CSNK2A2IP: variants seen among roughly 807,000 people sequenced by gnomAD.
The protein encoded by CSNK2A2IP is casein kinase II subunit alpha'-interacting protein.
At chr3:88,426,491 G>A in the CSNK2A2IP span, among the ~76,000 whole-genome samples, 1 of 152,200 alleles carries the variant, frequency 6.6e-6, no homozygotes, top group Non-Finnish European at 1.5e-5. Context: ...CACTAGCCCT[G>A]TTATGGTTTG....
At chr3:88,344,332 G>GCAAGT in the CSNK2A2IP span, among the ~76,000 whole-genome samples, 1 of 151,882 alleles carries the variant, frequency 6.6e-6, no homozygotes, top group Non-Finnish European at 1.5e-5. Context: ...ATGAAGGCAT[G>GCAAGT]TGTCTTTTAT....
chr3:88,384,876 T>C, the CSNK2A2IP span, among the ~76,000 whole-genome samples: 1 of 151,670 alleles, frequency 6.6e-6, no homozygotes, highest in Non-Finnish European at 1.5e-5. Flanking sequence ...GTGAGGGAAA[T>C]GAAGGAAATG....
the CSNK2A2IP span, among the ~76,000 whole-genome samples, chr3:88,379,603 C>G: frequency 5.1e-4 from 78 of 152,126 alleles, no homozygotes; most frequent in Non-Finnish European, 4.4e-5. Flanking sequence ...GGTTTTCCCC[C>G]TTTAGTCCTG....
the CSNK2A2IP span, among the ~76,000 whole-genome samples, chr3:88,463,506 C>A: frequency 6.6e-6 from 1 of 152,052 alleles, no homozygotes. Flanking sequence ...ATAACAGACA[C>A]TTCTCAAAAG....
At chr3:88,409,127 A>T in the CSNK2A2IP span, among the ~76,000 whole-genome samples, 2 of 152,130 alleles carry the variant, frequency 1.3e-5, no homozygotes, top group Non-Finnish European at 2.9e-5. Context: ...AATTTTAAAA[A>T]TTAAAGATGC....
chr3:88,462,630 T>G, the CSNK2A2IP span, among the ~76,000 whole-genome samples: 1 of 152,100 alleles, frequency 6.6e-6, no homozygotes, highest in Non-Finnish European at 1.5e-5. Context: ...ATGGAAGTGA[T>G]CAAATCAACA....
At chr3:88,466,925 T>C in the CSNK2A2IP span, 1 of 1,231,264 alleles carries the variant, frequency 8.1e-7, no homozygotes, top group African/African-American at 1.6e-5. Flanking sequence ...GTTCTTATCC[T>C]TTCTCTACCA....
the CSNK2A2IP span, among the ~76,000 whole-genome samples, chr3:88,352,073 T>C: frequency 4.6e-5 from 7 of 152,190 alleles, no homozygotes; most frequent in Non-Finnish European, 8.8e-5. Context: ...GTGGTCAGAC[T>C]CCAGGAATCA....
chr3:88,465,060 T>C, the CSNK2A2IP span: 1 of 240,106 alleles, frequency 4.2e-6, no homozygotes. Context: ...GGACCTCTTC[T>C]GACCTCTCCT....
the CSNK2A2IP span, chr3:88,343,223 C>G: frequency 6.6e-6 from 1 of 152,436 alleles, no homozygotes; most frequent in East Asian, 1.9e-4. Flanking sequence ...GATATTGTGT[C>G]CCTGTCTCAG....
At chr3:88,407,602 G>T in the CSNK2A2IP span, among the ~76,000 whole-genome samples, 1 of 152,088 alleles carries the variant, frequency 6.6e-6, no homozygotes, top group South Asian at 2.1e-4. Context: ...TATAGGCTGA[G>T]AACACACATT....
the CSNK2A2IP span, among the ~76,000 whole-genome samples, chr3:88,339,147 A>G: frequency 6.6e-6 from 1 of 152,016 alleles, no homozygotes; most frequent in African/African-American, 2.4e-5. Context: ...AGAACACTAG[A>G]TCTTATTTCT....
the CSNK2A2IP span, among the ~76,000 whole-genome samples, chr3:88,410,877 C>T: frequency 5.2e-4 from 79 of 151,864 alleles, 1 homozygote; most frequent in African/African-American, 1.8e-3. Context: ...ATATAGAGAG[C>T]GGAAGCAAAA....
the CSNK2A2IP span, among the ~76,000 whole-genome samples, chr3:88,388,553 A>AT: frequency 6.6e-6 from 1 of 152,220 alleles, no homozygotes; most frequent in African/African-American, 2.4e-5. Context: ...ATCTAATTAA[A>AT]TGCAAGTCTG....
At chr3:88,361,963 A>G in the CSNK2A2IP span, among the ~76,000 whole-genome samples, 2 of 152,070 alleles carry the variant, frequency 1.3e-5, no homozygotes, top group Non-Finnish European at 2.9e-5. Flanking sequence ...TCTCTGTTTT[A>G]ACTTTTTCTG....
the CSNK2A2IP span, among the ~76,000 whole-genome samples, chr3:88,459,439 A>G: frequency 6.6e-6 from 1 of 152,084 alleles, no homozygotes; most frequent in African/African-American, 2.4e-5. Context: ...TATTGATTCT[A>G]TTAAGTTTTC....
chr3:88,364,486 G>T, the CSNK2A2IP span, among the ~76,000 whole-genome samples: 1 of 151,424 alleles, frequency 6.6e-6, no homozygotes, highest in Non-Finnish European at 1.5e-5. Flanking sequence ...AAATATAAGG[G>T]AAAAAGAGAG....
At chr3:88,457,900 T>C in the CSNK2A2IP span, among the ~76,000 whole-genome samples, 1 of 151,760 alleles carries the variant, frequency 6.6e-6, no homozygotes, top group Non-Finnish European at 1.5e-5. Flanking sequence ...ATTTCTTCTA[T>C]GGGAAGCCTT....
the CSNK2A2IP span, among the ~76,000 whole-genome samples, chr3:88,464,377 G>A: frequency 6.6e-6 from 1 of 151,198 alleles, no homozygotes; most frequent in Non-Finnish European, 1.5e-5. Context: ...TCACCGATGT[G>A]ATTACTTAGG....
Sources: gnomAD v4.1 joint callset for allele counts (sites outside exome capture counted in the v4.1 genomes callset) on GRCh38, gnomAD v4.1.1 for gene constraint, MANE v1.5 for transcripts, NCBI Gene and HGNC (gene_info 2026-07-23, HGNC 2026-07-21) for gene names.